The following GRM1 variants were observed in gnomAD, a reference collection of about 807,000 sequenced individuals.
GRM1 encodes glutamate metabotropic receptor 1, also known as metabotropic glutamate receptor 1.
GRM1 carries 33 observed loss-of-function variants against 90.9 expected under a neutral mutation model. That is an observed-to-expected ratio of 0.36 (90% CI 0.28 to 0.49). The LOEUF (loss-of-function observed/expected upper bound fraction) is 0.49, where lower values mean the gene tolerates loss of function less well. GRM1 is among the 20% of genes least tolerant of loss of function. The pLI is 0.99. For synonymous variants in GRM1, 700 were observed against 613.2 expected (o/e 1.14, Z -2.09); for missense variants, 1,190 against 1,534.3 (o/e 0.78, Z 3.75).
intron 1 of GRM1, among the ~76,000 whole-genome samples, chr6:146,124,902 T>C (rs1181524222): frequency 6.6e-6 from 1 of 152,176 alleles, no homozygotes; most frequent in South Asian, 2.1e-4. Context: ...TCTTGAAATA[T>C]GAAAATTTTT....
chr6:146,089,786 T>C (rs1368273976), intron 1 of GRM1, among the ~76,000 whole-genome samples: 1 of 152,056 alleles, frequency 6.6e-6, no homozygotes, highest in Admixed American at 6.6e-5. Context: ...CAATGGGCCC[T>C]AATAGAGGTT....
intron 3 of GRM1, among the ~76,000 whole-genome samples, chr6:146,342,119 G>A (rs879207656): frequency 1.3e-5 from 2 of 152,186 alleles, no homozygotes; most frequent in African/African-American, 2.4e-5. Context: ...TATTGTGGCG[G>A]TGTTGGTCTG....
In GRM1 at chr6:146,386,889, G is replaced by T. The variant is rs756945559; in HGVS notation, c.1603-1G>T. The T allele has an allele frequency of 6.2e-7, 1 of 1,605,710 alleles. No individual in the cohort carries two copies. Among genetic ancestry groups the T allele is most frequent in the Non-Finnish European group, 8.5e-7 (1 of 1,172,756 alleles). ...AAATTCATGAAATATCTATGTTATA[G>T]GTTATACGGAAAGGAGAAGTGAGCT... On this transcript the variant is annotated splice_acceptor_variant, in intron 5 of 7. Coordinates refer to ENST00000282753, the MANE Select transcript of GRM1 (RefSeq NM_001278064.2). LOFTEE classifies it high-confidence loss of function.
chr6:146,326,053 A>G (rs978935946), intron 3 of GRM1, among the ~76,000 whole-genome samples: 1 of 152,214 alleles, frequency 6.6e-6, no homozygotes, highest in Admixed American at 6.5e-5. Context: ...AATGAAGTGA[A>G]TAAGTCAGAG....
At chr6:146,104,434 C>T (rs1204594489) in intron 1 of GRM1, among the ~76,000 whole-genome samples, 1 of 150,498 alleles carries the variant, frequency 6.6e-6, no homozygotes, top group Non-Finnish European at 1.5e-5. Context: ...AGTGAGACTC[C>T]GTCTCAAAAA....
chr6:146,108,478 G>A (rs531543313), intron 1 of GRM1, among the ~76,000 whole-genome samples: 1 of 152,262 alleles, frequency 6.6e-6, no homozygotes, highest in East Asian at 1.9e-4. Context: ...TTTGAAATGT[G>A]CCTTTCACCT....
At chr6:146,102,636 G>T (rs1777087908) in intron 1 of GRM1, among the ~76,000 whole-genome samples, 1 of 152,164 alleles carries the variant, frequency 6.6e-6, no homozygotes, top group African/African-American at 2.4e-5. Context: ...AGCTTGATAT[G>T]TTGATGATTT....
At chr6:146,145,611 G>A (rs1305801998) in intron 1 of GRM1, among the ~76,000 whole-genome samples, 1 of 152,196 alleles carries the variant, frequency 6.6e-6, no homozygotes, top group Non-Finnish European at 1.5e-5. Flanking sequence ...AAGAGCTGTG[G>A]TGGCTTGACA....
Position 146,380,985 on chromosome 6 carries a change from G to T in GRM1, c.1603-5905G>T, listed in dbSNP as rs115635063. Among the ~76,000 whole-genome samples the T allele has an allele frequency of 3.7e-3, 567 of 152,236 alleles. 2 individuals are homozygous for T. The highest frequency in any genetic ancestry group is 9.6e-3 in the African/African-American group (400 of 41,558). On this transcript the variant is annotated intron_variant, in intron 5 of 7. Coordinates refer to ENST00000282753, the MANE Select transcript of GRM1 (RefSeq NM_001278064.2). ...GCCCTATCCTGCTGTGGCTTAGCTG[G>T]TATCCTAGATGCAAGACAATGTCCT...
intron 2 of GRM1, among the ~76,000 whole-genome samples, chr6:146,256,259 G>T (rs1781474845): frequency 6.6e-6 from 1 of 152,110 alleles, no homozygotes; most frequent in Non-Finnish European, 1.5e-5. Context: ...GAAAATATTG[G>T]TAAAGTGCTT....
At chr6:146,298,819 G>T (rs763641701) in intron 2 of GRM1, among the ~76,000 whole-genome samples, 3 of 152,106 alleles carry the variant, frequency 2.0e-5, no homozygotes, top group African/African-American at 7.2e-5. Context: ...AAATGGGACC[G>T]TCTTCTCGTA....
chr6:146,374,352 G>C (rs1776016013), intron 5 of GRM1, among the ~76,000 whole-genome samples: 1 of 152,026 alleles, frequency 6.6e-6, no homozygotes, highest in Non-Finnish European at 1.5e-5. Context: ...TCTTTATCTG[G>C]TTGTGATATC....
chr6:146,304,103 A>T (rs1020272094), intron 2 of GRM1, among the ~76,000 whole-genome samples: 1 of 152,194 alleles, frequency 6.6e-6, no homozygotes, highest in African/African-American at 2.4e-5. Context: ...GATTTGAATG[A>T]TGTCCCAGGA....
intron 3 of GRM1, among the ~76,000 whole-genome samples, chr6:146,339,481 T>A (rs1784893922): frequency 6.6e-6 from 1 of 152,210 alleles, no homozygotes; most frequent in Non-Finnish European, 1.5e-5. Context: ...ACCTCATTTA[T>A]ATTACAGCTT....
At chr6:146,347,669 A>C (rs1035208860) in intron 3 of GRM1, among the ~76,000 whole-genome samples, 1 of 152,260 alleles carries the variant, frequency 6.6e-6, no homozygotes, top group Non-Finnish European at 1.5e-5. Flanking sequence ...AAAACTAAAT[A>C]AATGAACACT....
rs6912218 is a variant in GRM1 at position 146,301,478 on chromosome 6, T to G, written c.951-3133T>G. On this transcript the variant is annotated intron_variant, in intron 2 of 7. Transcript: ENST00000282753. Reference sequence around the variant, plus strand: ...ACTAAGCTGTCATGTGCTTTTAAATTGCACATGAACATCACAGCAAGTTCA... The same window carrying G: ...ACTAAGCTGTCATGTGCTTTTAAATGGCACATGAACATCACAGCAAGTTCA... 8.5e-3 allele frequency among the ~76,000 whole-genome samples: 1,297 copies of G among 152,294 alleles called. 19 individuals carry two copies. The highest frequency in any genetic ancestry group is 0.03 in the African/African-American group (1,231 of 41,566).
At chr6:146,391,052 G>A (rs1256583555) in intron 6 of GRM1, among the ~76,000 whole-genome samples, 3 of 152,098 alleles carry the variant, frequency 2.0e-5, no homozygotes, top group African/African-American at 7.2e-5. Context: ...ATATGATCAT[G>A]ATGTAGTATT....
chr6:146,196,821 G>A (rs1157110054), intron 2 of GRM1, among the ~76,000 whole-genome samples: 1 of 152,114 alleles, frequency 6.6e-6, no homozygotes, highest in Admixed American at 6.6e-5. Flanking sequence ...TATAATAATT[G>A]TGAAGGCAGA....
At chr6:146,213,311 C>T (rs530187240) in intron 2 of GRM1, among the ~76,000 whole-genome samples, 8 of 151,624 alleles carry the variant, frequency 5.3e-5, no homozygotes, top group South Asian at 2.1e-4. Flanking sequence ...GGGTGGGGGG[C>T]GGTAAGTAAA....
Sources: allele counts gnomAD v4.1 joint callset (sites outside exome capture counted in the v4.1 genomes callset), GRCh38; gene constraint gnomAD v4.1.1; transcripts MANE v1.5; gene names NCBI Gene and HGNC (gene_info 2026-07-23, HGNC 2026-07-21).